Variants in DRGX observed in about 807,000 individuals in gnomAD.
The protein encoded by DRGX is dorsal root ganglia homeobox protein.
In DRGX, 21 loss-of-function variants were observed where a neutral mutation model predicts 28.6. That is an observed-to-expected ratio of 0.73 (90% CI 0.52 to 1.06). The LOEUF is 1.06. Among genes scored for constraint, DRGX ranks in the 50% least tolerant of loss-of-function variants. DRGX has a pLI of 0.00. For synonymous variants in DRGX, 136 were observed against 139.1 expected (o/e 0.98, Z 0.16); for missense variants, 354 against 343.9 (o/e 1.03, Z -0.23).
At chr10:49,377,639 G>C (rs1256764592) in intron 6 of DRGX, among the ~76,000 whole-genome samples, 4 of 152,212 alleles carry the variant, frequency 2.6e-5, no homozygotes, top group African/African-American at 7.2e-5. Context: ...AGACCATGTG[G>C]AGAAAGAGGG....
At chr10:49,369,619 C>T (rs566046369) in intron 6 of DRGX, among the ~76,000 whole-genome samples, 45 of 152,150 alleles carry the variant, frequency 3.0e-4, no homozygotes, top group African/African-American at 9.9e-4. Flanking sequence ...AATTGTTCGC[C>T]GGTCAGAGCT....
intron 6 of DRGX, among the ~76,000 whole-genome samples, chr10:49,378,330 C>G (rs556090280): frequency 6.6e-6 from 1 of 152,296 alleles, no homozygotes; most frequent in East Asian, 1.9e-4. Flanking sequence ...GCAGGTCACA[C>G]ACACCACATA....
chr10:49,366,066 G>A lies in DRGX; in HGVS notation c.*50C>T, dbSNP rs766145052. ...AGAGTTTTCTGTAGGGGCTGAGGCT[G>A]GGAGAAGGAGGGGCGGGGGAGGGCA... On this transcript the variant is annotated 3_prime_UTR_variant, in exon 7 of 7. Coordinates refer to ENST00000374139, the MANE Select transcript of DRGX (RefSeq NM_001276451.2). The A allele has an allele frequency of 6.7e-7, 1 of 1,503,354 alleles. No homozygotes were observed. Among genetic ancestry groups the A allele is most frequent in the African/African-American group, 1.4e-5 (1 of 71,814 alleles). 93.1% of individuals were successfully genotyped at this position (1,503,354 alleles called of 1,614,324 possible).
intron 3 of DRGX, among the ~76,000 whole-genome samples, chr10:49,390,608 G>A (rs371019010): frequency 2.0e-5 from 3 of 152,280 alleles, no homozygotes; most frequent in South Asian, 4.1e-4. Context: ...GAAACAACTT[G>A]CAGAAGCCTC....
At chr10:49,391,779 T>G in intron 2 of DRGX, 1 of 490,506 alleles carries the variant, frequency 2.0e-6, no homozygotes. Flanking sequence ...ACGGCACTTT[T>G]CTCTTATAAG....
Position 49,395,531 on chromosome 10 carries a change from A to G in DRGX, c.-81-10T>C. On this transcript the variant is annotated splice_polypyrimidine_tract_variant and intron_variant, in intron 1 of 6. Coordinates refer to ENST00000374139, the MANE Select transcript of DRGX (RefSeq NM_001276451.2). ...CGTTGCTCCTGCCTGGCTGCAAAGC[A>G]AACAGCGATAGAGCTTCAAGTCTCC... is the stretch of plus-strand genomic sequence containing the variant. 7.0e-7 allele frequency: 1 copy of G among 1,429,384 alleles called. No homozygotes were observed. The highest frequency in any genetic ancestry group is 1.2e-5 in the South Asian group (1 of 81,664). The allele number at this position is 1,429,384 out of a possible 1,614,324, so 88.5% of individuals were successfully genotyped here.
In DRGX at chr10:49,395,492, A is replaced by T; in HGVS notation, c.-52T>A. ...CCGAGACCTGGGAGGGTGGCAGCAGAACGGACCCGCGCGCGTTGCTCCTGC... is the reference window on the plus strand; with the variant it reads ...CCGAGACCTGGGAGGGTGGCAGCAGTACGGACCCGCGCGCGTTGCTCCTGC... On this transcript the variant is annotated 5_prime_UTR_variant, in exon 2 of 7. Transcript: ENST00000374139. 6.5e-7 allele frequency: 1 copy of T among 1,544,980 alleles called. No homozygotes were observed. The highest frequency in any genetic ancestry group is 8.7e-7 in the Non-Finnish European group (1 of 1,143,480).
rs920610459 is a variant in DRGX at position 49,365,866 on chromosome 10, G to T, written c.*250C>A. The T allele has an allele frequency of 2.7e-6, 1 of 377,032 alleles. No homozygotes were observed. The highest frequency in any genetic ancestry group is 4.7e-6 in the Non-Finnish European group (1 of 214,730). The allele number at this position is 377,032 out of a possible 1,614,324, so 23.4% of individuals were successfully genotyped here. ...CCCAGGGAGGCTCCTCACAGAGAGG[G>T]CTCTGCTGCCACCAAGTGCCATCGG... On this transcript the variant is annotated 3_prime_UTR_variant, in exon 7 of 7. Transcript: ENST00000374139.
At chr10:49,367,325 T>C (rs58733378) in intron 6 of DRGX, among the ~76,000 whole-genome samples, 5,741 of 151,836 alleles carry the variant, frequency 0.038, 297 homozygotes, top group African/African-American at 0.12. Flanking sequence ...ATTGCATCAC[T>C]GCACTCCAGC....
At chr10:49,369,124 C>T (rs955301769) in intron 6 of DRGX, among the ~76,000 whole-genome samples, 3 of 152,230 alleles carry the variant, frequency 2.0e-5, no homozygotes, top group Non-Finnish European at 4.4e-5. Context: ...GACAGAGCCT[C>T]CTTGCCCTGG....
chr10:49,385,395 C>G (rs1849821228), intron 6 of DRGX, among the ~76,000 whole-genome samples: 1 of 152,168 alleles, frequency 6.6e-6, no homozygotes, highest in Non-Finnish European at 1.5e-5. Flanking sequence ...GCTGGGCACC[C>G]TCACCCTATC....
rs1590358383 is a variant in DRGX at position 49,365,334 on chromosome 10, G to A, written c.*782C>T. 1 of 152,366 alleles carries A rather than the reference G, an allele frequency of 6.6e-6. No individual in the cohort carries two copies. The highest frequency in any genetic ancestry group is 2.4e-5 in the African/African-American group (1 of 41,458). 9.4% of individuals were successfully genotyped at this position (152,366 alleles called of 1,614,324 possible). A position where few individuals can be genotyped will look rare whatever the true frequency, so the allele number is the denominator to read the frequency against. ...TGCTTAACTTCCCACCAATCCACAG[G>A]TCTATCTGGGAGAGAGGAAGGGCTT... On this transcript the variant is annotated 3_prime_UTR_variant, in exon 7 of 7. Coordinates refer to ENST00000374139, the MANE Select transcript of DRGX (RefSeq NM_001276451.2).
At position 49,389,639 on chromosome 10, in the gene DRGX, T is replaced by A. The variant is rs546680682; in HGVS notation, c.234+494A>T. Among the ~76,000 whole-genome samples, 3 of 152,292 alleles carry A rather than the reference T, an allele frequency of 2.0e-5. No homozygotes were observed. The South Asian group carries it at 6.2e-4, about 32-fold the overall frequency. On this transcript the variant is annotated intron_variant, in intron 4 of 6. Transcript: ENST00000374139. ...ATCACTACTGCTGTTTAAAGATTTT[T>A]AAATTGCACATCTTCTTTGGATCCA...
At chr10:49,394,566 C>G (rs549072230) in intron 2 of DRGX, among the ~76,000 whole-genome samples, 1 of 152,252 alleles carries the variant, frequency 6.6e-6, no homozygotes. Context: ...ATTGGCTCAC[C>G]TGATGGCTAC....
At chr10:49,391,803 G>A (rs1264844558) in intron 2 of DRGX, 1 of 511,714 alleles carries the variant, frequency 2.0e-6, no homozygotes, top group African/African-American at 1.9e-5. Context: ...AGAACGTGAG[G>A]AGGTAAGAAG....
At chr10:49,391,981 C>T (rs1010932455) in intron 2 of DRGX, 1 of 425,290 alleles carries the variant, frequency 2.4e-6, no homozygotes. Context: ...CTGGCCAAGC[C>T]TTATAAAGCA....
intron 2 of DRGX, among the ~76,000 whole-genome samples, chr10:49,395,078 A>G (rs1238517675): frequency 6.6e-6 from 1 of 152,190 alleles, no homozygotes; most frequent in Non-Finnish European, 1.5e-5. Flanking sequence ...TGAAAGATTG[A>G]TGCGGCCCCC....
chr10:49,374,211 C>G (rs772545929), intron 6 of DRGX, among the ~76,000 whole-genome samples: 3 of 152,142 alleles, frequency 2.0e-5, no homozygotes, highest in Non-Finnish European at 4.4e-5. Context: ...TTCTCCAGCA[C>G]AGAGTCCCAC....
intron 2 of DRGX, among the ~76,000 whole-genome samples, chr10:49,393,398 C>A (rs1422465631): frequency 6.6e-6 from 1 of 152,098 alleles, no homozygotes; most frequent in Non-Finnish European, 1.5e-5. Flanking sequence ...ATAGCAGATA[C>A]TTTTAGGAAA....
Sources: allele counts gnomAD v4.1 joint callset (sites outside exome capture counted in the v4.1 genomes callset), GRCh38; gene constraint gnomAD v4.1.1; transcripts MANE v1.5; gene names NCBI Gene and HGNC (gene_info 2026-07-23, HGNC 2026-07-21).